ZNF562: variants seen among roughly 807,000 people sequenced by gnomAD.
ZNF562 encodes zinc finger protein 562.
ZNF562 carries 13 observed loss-of-function variants against 17.5 expected under a neutral mutation model. The observed-to-expected ratio is 0.74, with a 90% CI of 0.48 to 1.18. The LOEUF (loss-of-function observed/expected upper bound fraction) is 1.18. ZNF562 is among the 50% of genes most tolerant of loss of function. The pLI is 0.00. For synonymous variants in ZNF562, 163 were observed against 165.4 expected (o/e 0.99, Z 0.11); for missense variants, 481 against 498.5 (o/e 0.96, Z 0.33).
chr19:9,667,929 A>G lies in ZNF562; in HGVS notation c.-130-7055T>C, dbSNP rs560701053. Among the ~76,000 whole-genome samples the G allele has an allele frequency of 5.9e-5, 9 of 152,286 alleles. No homozygotes were observed. In the South Asian group the frequency reaches 1.9e-3, roughly 32 times the overall value. On this transcript the variant is annotated intron_variant, in intron 1 of 5. Transcript: ENST00000453372. ...ATATTTAGAAAAACCTAAAGACTCT[A>G]CCAAAAACCTGTTAGAACTGATAAA...
chr19:9,666,416 G>A (rs1005402712), intron 1 of ZNF562, among the ~76,000 whole-genome samples: 3 of 151,030 alleles, frequency 2.0e-5, no homozygotes, highest in African/African-American at 4.9e-5. Flanking sequence ...CAGTACTAAG[G>A]GAGAATTTTA....
chr19:9,658,067 A>G lies in ZNF562; in HGVS notation c.183T>C (p.Thr61=), dbSNP rs1248659417. 6.2e-7 allele frequency: 1 copy of G among 1,613,920 alleles called. No individual in the cohort carries two copies. Among genetic ancestry groups the G allele is most frequent in the South Asian group, 1.1e-5 (1 of 91,042 alleles). ...TCACATCTCTGTAGAGGTATTTCTG[A>G]GTTGTGTCCAGTAAAGCCCACTCCT... is the stretch of plus-strand genomic sequence containing the variant. ...TPEEWALLDT[T]QKYLYRDVML... The change falls in exon 4 of 6, where the codon ACT becomes ACC. Residue 61 remains threonine, a synonymous_variant. Coordinates refer to ENST00000453372, the MANE Select transcript of ZNF562 (RefSeq NM_001130031.2).
chr19:9,660,708 A>G lies in ZNF562; in HGVS notation c.25+12T>C, dbSNP rs761627264. On this transcript the variant is annotated intron_variant, in intron 2 of 5. Transcript: ENST00000453372. ...GCAGAATCTCTGAAAAAGAGCATCA[A>G]CAAGGACTTACCATGGGACATATCA... 9.9e-6 allele frequency: 16 copies of G among 1,612,614 alleles called. No individual in the cohort carries two copies. In the East Asian group the frequency reaches 2.9e-4, roughly 29 times the overall value.
At chr19:9,654,899 T>A (rs1244056420) in intron 5 of ZNF562, among the ~76,000 whole-genome samples, 4 of 152,156 alleles carry the variant, frequency 2.6e-5, no homozygotes, top group African/African-American at 9.7e-5. Flanking sequence ...TTTTACAATA[T>A]TTCTTCCATG....
chr19:9,668,386 A>G (rs982601029), intron 1 of ZNF562, among the ~76,000 whole-genome samples: 5 of 152,172 alleles, frequency 3.3e-5, no homozygotes, highest in Admixed American at 2.6e-4. Context: ...CTCTGAAAAA[A>G]AGAGAAAATA....
Position 9,642,885 on chromosome 19 carries a change from TAAAA to T in ZNF562, c.*10060_*10063del, listed in dbSNP as rs1428351422. Reference sequence around the variant, plus strand: ...GACCAAAAAAAAAAAAATTTAAAAATAAAAAAATTAGCCGGGCCTGGTGGTACAT... The same window carrying T: ...GACCAAAAAAAAAAAAATTTAAAAATAAATTAGCCGGGCCTGGTGGTACAT... On this transcript the variant is annotated 3_prime_UTR_variant, in exon 6 of 6. Transcript: ENST00000453372. The T allele has an allele frequency of 6.7e-6, 1 of 148,894 alleles. No individual in the cohort carries two copies. The allele number at this position is 148,894 out of a possible 1,614,324, so 9.2% of individuals were successfully genotyped here. A position where few individuals can be genotyped will look rare whatever the true frequency, so the allele number is the denominator to read the frequency against.
At chr19:9,672,973 T>C (rs1445086457) in intron 1 of ZNF562, among the ~76,000 whole-genome samples, 1 of 152,006 alleles carries the variant, frequency 6.6e-6, no homozygotes, top group Non-Finnish European at 1.5e-5. Flanking sequence ...TAAACTTCCT[T>C]GTTCTTTGTT....
chr19:9,661,384 T>C (rs2145002671), intron 1 of ZNF562, among the ~76,000 whole-genome samples: 1 of 152,248 alleles, frequency 6.6e-6, no homozygotes, highest in Admixed American at 6.5e-5. Flanking sequence ...AGTGGCGTGA[T>C]CTTGACTCAC....
At position 9,650,863 on chromosome 19, in the gene ZNF562, A is replaced by G. The variant is rs1450910568; in HGVS notation, c.*2086T>C. On this transcript the variant is annotated 3_prime_UTR_variant, in exon 6 of 6. Coordinates refer to ENST00000453372, the MANE Select transcript of ZNF562 (RefSeq NM_001130031.2). Reference sequence around the variant, plus strand: ...TCCCAGCTACTGAGGGTGAGGCAGGAGAATCACTGGAACTCAGGAGGTGGA... The same window carrying G: ...TCCCAGCTACTGAGGGTGAGGCAGGGGAATCACTGGAACTCAGGAGGTGGA... The G allele has an allele frequency of 6.7e-6, 1 of 148,674 alleles. No homozygotes were observed. Among genetic ancestry groups the G allele is most frequent in the Admixed American group, 6.9e-5 (1 of 14,524 alleles). The allele number at this position is 148,674 out of a possible 1,614,324, so 9.2% of individuals were successfully genotyped here. A position where few individuals can be genotyped will look rare whatever the true frequency, so the allele number is the denominator to read the frequency against.
Position 9,660,704 on chromosome 19 carries a change from A to G in ZNF562, c.25+16T>C. On this transcript the variant is annotated intron_variant, in intron 2 of 5. Coordinates refer to ENST00000453372, the MANE Select transcript of ZNF562 (RefSeq NM_001130031.2). ...TAAAGCAGAATCTCTGAAAAAGAGC[A>G]TCAACAAGGACTTACCATGGGACAT... 1.9e-6 allele frequency: 3 copies of G among 1,612,172 alleles called. No homozygotes were observed. The highest frequency in any genetic ancestry group is 1.7e-4 in the Middle Eastern group (1 of 6,048).
In ZNF562 at chr19:9,653,104, C is replaced by G; in HGVS notation, c.1126G>C (p.Glu376Gln). 1 of 1,611,342 alleles carries G rather than the reference C, an allele frequency of 6.2e-7. No homozygotes were observed. The highest frequency in any genetic ancestry group is 1.1e-5 in the South Asian group (1 of 90,676). The change falls in exon 6 of 6, where the codon GAA becomes CAA. Residue 376 changes from glutamate (E) to glutamine (Q), a missense_variant. Glu to Gln is a conservative substitution (Grantham distance 29). Coordinates refer to ENST00000453372, the MANE Select transcript of ZNF562 (RefSeq NM_001130031.2). Reference protein sequence around the residue: ...HTGEKPYQCKECGKAFNRSST... With the variant: ...HTGEKPYQCKQCGKAFNRSST... ...GATCTATTGAAGGCTTTCCCACATT[C>G]CTTACACTGATAGGGTTTCTCTCCA...
intron 1 of ZNF562, among the ~76,000 whole-genome samples, chr19:9,669,729 C>T (rs867654588): frequency 1.6e-3 from 153 of 95,776 alleles, no homozygotes; most frequent in African/African-American, 4.6e-3. Flanking sequence ...CGCGCGCGCG[C>T]GCGCGCACAC....
Position 9,651,468 on chromosome 19 carries a change from G to A in ZNF562, c.*1481C>T, listed in dbSNP as rs2074865981. ...GCTGGGAACAGGCCCCCCAAATCTG[G>A]CCATAAACAGGCAATGAGAAACTGG... On this transcript the variant is annotated 3_prime_UTR_variant, in exon 6 of 6. Coordinates refer to ENST00000453372, the MANE Select transcript of ZNF562 (RefSeq NM_001130031.2). 1.3e-5 allele frequency: 2 copies of A among 152,162 alleles called. No individual in the cohort carries two copies. The highest frequency in any genetic ancestry group is 4.8e-5 in the African/African-American group (2 of 41,430). 9.4% of individuals were successfully genotyped at this position (152,162 alleles called of 1,614,324 possible).
chr19:9,655,717 CTTTTTTTTTTTTTTTTTTTTTT>C (rs58199071), intron 5 of ZNF562, among the ~76,000 whole-genome samples: 12 of 48,680 alleles, frequency 2.5e-4, no homozygotes, highest in Non-Finnish European at 3.9e-4. Context: ...TCTTTTCTTT[CTTTTTTTTTTTTTTTTTTTTTT>C]TTTTTTTTTT....
At position 9,661,186 on chromosome 19, in the gene ZNF562, G is replaced by A. The variant is rs1053789396; in HGVS notation, c.-130-312C>T. On this transcript the variant is annotated intron_variant, in intron 1 of 5. Coordinates refer to ENST00000453372, the MANE Select transcript of ZNF562 (RefSeq NM_001130031.2). ...ATTTATTGAGACAGGGTCTCATTCTGTTGCCCAGGTTTAAGTACAATGACA... is the reference window on the plus strand; with the variant it reads ...ATTTATTGAGACAGGGTCTCATTCTATTGCCCAGGTTTAAGTACAATGACA... 3.3e-5 allele frequency among the ~76,000 whole-genome samples: 5 copies of A among 152,086 alleles called. No homozygotes were observed. In the South Asian group the frequency reaches 8.3e-4, roughly 25 times the overall value.
intron 4 of ZNF562, 123 bp from the exon 5 acceptor site, chr19:9,656,776 G>A: frequency 1.1e-6 from 1 of 904,864 alleles, no homozygotes; most frequent in Non-Finnish European, 1.7e-6. Flanking sequence ...CGTAATCCCA[G>A]GACTTTGGGA....
intron 1 of ZNF562, among the ~76,000 whole-genome samples, chr19:9,663,442 C>T (rs2043833682): frequency 6.7e-6 from 1 of 149,796 alleles, no homozygotes; most frequent in Admixed American, 6.7e-5. Flanking sequence ...AGAAAAGAAA[C>T]AGCCAGAATC....
At position 9,674,388 on chromosome 19, in the gene ZNF562, T is replaced by C. The variant is rs141914427; in HGVS notation, c.-131+627A>G. Among the ~76,000 whole-genome samples the C allele has an allele frequency of 5.4e-4, 82 of 152,276 alleles. 1 individual carries two copies. Among genetic ancestry groups the C allele is most frequent in the African/African-American group, 1.8e-3 (74 of 41,554 alleles). On this transcript the variant is annotated intron_variant, in intron 1 of 5. Coordinates refer to ENST00000453372, the MANE Select transcript of ZNF562 (RefSeq NM_001130031.2). The stretch of plus-strand genomic sequence containing the variant: ...GCAAAGAATTAAACATACTGACATA[T>C]TGATTTTTTAAAAAGAAATTTAAAA...
chr19:9,642,534 C>T lies in ZNF562; in HGVS notation c.*10415G>A, dbSNP rs962797710. ...TCAAGCGATCATCCTTCCTTGGCCT[C>T]CCACATTGTTGGCATTACAACTGTG... On this transcript the variant is annotated 3_prime_UTR_variant, in exon 6 of 6. Coordinates refer to ENST00000453372, the MANE Select transcript of ZNF562 (RefSeq NM_001130031.2). 2 of 152,046 alleles carry T rather than the reference C, an allele frequency of 1.3e-5. No homozygotes were observed. The highest frequency in any genetic ancestry group is 2.4e-5 in the African/African-American group (1 of 41,390). The allele number at this position is 152,046 out of a possible 1,614,324, so 9.4% of individuals were successfully genotyped here.
Sources: allele counts gnomAD v4.1 joint callset (sites outside exome capture counted in the v4.1 genomes callset), GRCh38; gene constraint gnomAD v4.1.1; transcripts MANE v1.5; gene names NCBI Gene and HGNC (gene_info 2026-07-23, HGNC 2026-07-21).